Variants in HYAL3 observed in about 807,000 individuals in gnomAD.
HYAL3 encodes hyaluronidase-3.
A neutral mutation model predicts 29.6 loss-of-function variants in HYAL3; 25 were observed. The observed-to-expected ratio is 0.85, with a 90% CI of 0.62 to 1.18. The LOEUF is 1.18. Among genes scored for constraint, HYAL3 ranks in the 50% most tolerant of loss-of-function variants. HYAL3 has a pLI of 0.00. For missense variants in HYAL3, 442 were observed against 548.4 expected, an observed-to-expected ratio of 0.81 and a Z score of 1.94; for synonymous variants, 215 against 218.3, an observed-to-expected ratio of 0.99 and a Z score of 0.13.
At chr3:50,296,969 C>T in intron 1 of HYAL3, 1 of 1,592,708 alleles carries the variant, frequency 6.3e-7, no homozygotes. Context: ...AGCCCCGGGC[C>T]CGAGCAAAGA....
At chr3:50,295,787 C>A in intron 1 of HYAL3, 168 bp from the exon 2 acceptor site, 1 of 560,158 alleles carries the variant, frequency 1.8e-6, no homozygotes, top group East Asian at 2.8e-5. Flanking sequence ...GCAGCCACAC[C>A]GCAAGCTGGC....
chr3:50,297,689 T>C lies in HYAL3; in HGVS notation c.-18+1524A>G, dbSNP rs587696103. 10 of 1,372,476 alleles carry C rather than the reference T, an allele frequency of 7.3e-6. No individual in the cohort carries two copies. The East Asian group carries it at 2.5e-4, about 35-fold the overall frequency. 85.0% of individuals were successfully genotyped at this position (1,372,476 alleles called of 1,614,324 possible). A position where few individuals can be genotyped will look rare whatever the true frequency, so the allele number is the denominator to read the frequency against. On this transcript the variant is annotated intron_variant, in intron 1 of 3. Transcript: ENST00000336307. This position sits in a 1 kb window ranked among gnomAD's most constrained non-coding sequence, Gnocchi z 4.3. ...GCTCTCCTCCTGTAGATAACAGCCA[T>C]GCTGGGCTGTGCCAGGAGGGAGGGT...
rs1701907159 is a variant in HYAL3 at position 50,297,611 on chromosome 3, C to T, written c.-18+1602G>A. The T allele has an allele frequency of 6.8e-7, 1 of 1,481,082 alleles. No individual in the cohort carries two copies. The highest frequency in any genetic ancestry group is 1.4e-5 in the South Asian group (1 of 71,794). 91.7% of individuals were successfully genotyped at this position (1,481,082 alleles called of 1,614,324 possible). ...AGGTTGCAGGTGGCTCAGTGCCAGG[C>T]TGGAGGTTAAGACCCCAGTCTCCAG... On this transcript the variant is annotated intron_variant, in intron 1 of 3. Transcript: ENST00000336307. This position sits in a 1 kb window ranked among gnomAD's most constrained non-coding sequence, Gnocchi z 4.3.
At chr3:50,296,499 G>T in intron 1 of HYAL3, 1 of 1,342,906 alleles carries the variant, frequency 7.4e-7, no homozygotes, top group Non-Finnish European at 1.0e-6. Context: ...GGTTAAAGCT[G>T]CCCCCCAGGG....
In HYAL3 at chr3:50,295,570, C is replaced by T. The variant is rs1701813038; in HGVS notation, c.33G>A (p.Leu11=). Residue 11 remains leucine, a synonymous_variant, in exon 2 of 4, where the codon CTG becomes CTA. Coordinates refer to ENST00000336307, the MANE Select transcript of HYAL3 (RefSeq NM_003549.4). ...CACAACCCAGGCACAGGGCCACCCC[C>T]AGCACCAGGGCTGGGCCCAGTTGCG... The part of the protein sequence containing the change: MTTQLGPALV[L]GVALCLGCGQ... 4 of 1,568,584 alleles carry T rather than the reference C, an allele frequency of 2.6e-6. No homozygotes were observed. In the South Asian group the frequency reaches 3.6e-5, roughly 14 times the overall value.
chr3:50,298,956 G>A, intron 1 of HYAL3: 15 of 1,428,086 alleles, frequency 1.1e-5, no homozygotes, highest in Non-Finnish European at 1.4e-5. Context: ...ACTGTGGGCG[G>A]GGCTCCGGGG....
rs782367896 is a variant in HYAL3 at position 50,299,226 on chromosome 3, C to A, written c.-31G>T. 1 of 1,614,040 alleles carries A rather than the reference C, an allele frequency of 6.2e-7. No individual in the cohort carries two copies. Among genetic ancestry groups the A allele is most frequent in the Non-Finnish European group, 8.5e-7 (1 of 1,180,022 alleles). On this transcript the variant is annotated 5_prime_UTR_variant, in exon 1 of 4. Transcript: ENST00000336307. Reference sequence around the variant, plus strand: ...TGCGGTACTGACATGTTGATGCTGGCCTCTGGGATGTTCCGCGTCCTAGCT... The same window carrying A: ...TGCGGTACTGACATGTTGATGCTGGACTCTGGGATGTTCCGCGTCCTAGCT...
chr3:50,293,840 G>T, intron 2 of HYAL3, 119 bp from the exon 3 acceptor site: 1 of 914,812 alleles, frequency 1.1e-6, no homozygotes, highest in Non-Finnish European at 1.7e-6. Context: ...CTACAGTAGG[G>T]ACTCTCTAGT....
Position 50,297,918 on chromosome 3 carries a change from A to T in HYAL3, c.-18+1295T>A. Reference sequence around the variant, plus strand: ...CTGGGAGTGATGGATGAGCTGCTTAAGGCTGGGGCAGAACCTAGGAGTCCT... The same window carrying T: ...CTGGGAGTGATGGATGAGCTGCTTATGGCTGGGGCAGAACCTAGGAGTCCT... On this transcript the variant is annotated intron_variant, in intron 1 of 3. Coordinates refer to ENST00000336307, the MANE Select transcript of HYAL3 (RefSeq NM_003549.4). This position sits in a 1 kb window ranked among gnomAD's most constrained non-coding sequence, Gnocchi z 4.3. 6 of 994,970 alleles carry T rather than the reference A, an allele frequency of 6.0e-6. No homozygotes were observed. Among genetic ancestry groups the T allele is most frequent in the Non-Finnish European group, 7.2e-6 (6 of 836,824 alleles). 61.6% of individuals were successfully genotyped at this position (994,970 alleles called of 1,614,324 possible). A position where few individuals can be genotyped will look rare whatever the true frequency, so the allele number is the denominator to read the frequency against.
chr3:50,298,980 G>A, intron 1 of HYAL3: 1 of 1,454,196 alleles, frequency 6.9e-7, no homozygotes, highest in South Asian at 1.4e-5. Flanking sequence ...TCAGAGAGTG[G>A]CTTCTCCGTC....
intron 1 of HYAL3, chr3:50,298,083 A>G: frequency 1.0e-6 from 1 of 985,450 alleles, no homozygotes; most frequent in Non-Finnish European, 1.2e-6. Context: ...CTAGTCCACC[A>G]CTAGGGCATG....
chr3:50,296,712 A>G, intron 1 of HYAL3: 1 of 1,612,528 alleles, frequency 6.2e-7, no homozygotes, highest in Non-Finnish European at 8.5e-7. Flanking sequence ...TGAGATGGTC[A>G]GGCACTCAGG....
chr3:50,295,791 A>G, intron 1 of HYAL3, 172 bp from the exon 2 acceptor site: 2 of 378,948 alleles, frequency 5.3e-6, no homozygotes, highest in Non-Finnish European at 4.7e-6. Context: ...CCACACCGCA[A>G]GCTGGCTATG....
chr3:50,297,305 T>C lies in HYAL3; in HGVS notation c.-17-1686A>G. The C allele has an allele frequency of 6.2e-7, 1 of 1,604,722 alleles. No individual in the cohort carries two copies. Among genetic ancestry groups the C allele is most frequent in the African/African-American group, 1.3e-5 (1 of 74,858 alleles). ...GGGTCAACTCAGCCAGGCTAGGAGCTGGGGTCTCCTCTGGCTGGTGTTCAG... is the reference window on the plus strand; with the variant it reads ...GGGTCAACTCAGCCAGGCTAGGAGCCGGGGTCTCCTCTGGCTGGTGTTCAG... On this transcript the variant is annotated intron_variant, in intron 1 of 3. Transcript: ENST00000336307. The surrounding 1 kb of genome is among the most constrained non-coding windows in gnomAD (Gnocchi z 4.3).
In HYAL3 at chr3:50,297,340, T is replaced by C. The variant is rs1553711516; in HGVS notation, c.-17-1721A>G. 1 of 1,610,200 alleles carries C rather than the reference T, an allele frequency of 6.2e-7. No homozygotes were observed. The highest frequency in any genetic ancestry group is 1.3e-5 in the African/African-American group (1 of 74,860). ...TCTGGCTGGTGTTCAGGATCCAGGG[T>C]AAGCTCAGTTGGACCAGGATTGAAG... On this transcript the variant is annotated intron_variant, in intron 1 of 3. Transcript: ENST00000336307. The surrounding 1 kb of genome is among the most constrained non-coding windows in gnomAD (Gnocchi z 4.3).
In HYAL3 at chr3:50,293,451, G is replaced by T. The variant is rs1553710406; in HGVS notation, c.1049C>A (p.Thr350Asn). ...GTGACTGCAGGCCATCGCTGCCCTG[G>T]TCACATTGATCACATAGGGGCCCAA... ...DTLGPYVINV[T>N]RAAMACSHQR... is the part of the protein sequence containing the mutation. Residue 350 changes from threonine to asparagine, a missense_variant, in exon 4 of 4, where the codon ACC becomes AAC. Thr to Asn is a moderately conservative substitution (Grantham distance 65). Coordinates refer to ENST00000336307, the MANE Select transcript of HYAL3 (RefSeq NM_003549.4). The T allele has an allele frequency of 6.2e-7, 1 of 1,613,758 alleles. No individual in the cohort carries two copies. Among genetic ancestry groups the T allele is most frequent in the South Asian group, 1.1e-5 (1 of 91,076 alleles).
chr3:50,293,727 G>A lies in HYAL3; in HGVS notation c.895-6C>T. ...ATGGACTGCACAAGGTCATCCTGGAGGCAGAGAGCTGCTAAGCCAGTGCTG... is the reference window on the plus strand; with the variant it reads ...ATGGACTGCACAAGGTCATCCTGGAAGCAGAGAGCTGCTAAGCCAGTGCTG... On this transcript the variant is annotated splice_region_variant and splice_polypyrimidine_tract_variant and intron_variant, in intron 2 of 3. Transcript: ENST00000336307. The A allele has an allele frequency of 1.2e-6, 2 of 1,613,398 alleles. No individual in the cohort carries two copies. Among genetic ancestry groups the A allele is most frequent in the Non-Finnish European group, 1.7e-6 (2 of 1,179,848 alleles).
rs1702021635 is a variant in HYAL3 at position 50,299,358 on chromosome 3, A to C, written c.-163T>G. 2 of 1,548,782 alleles carry C rather than the reference A, an allele frequency of 1.3e-6. No individual in the cohort carries two copies. Among genetic ancestry groups the C allele is most frequent in the Non-Finnish European group, 1.7e-6 (2 of 1,148,730 alleles). ...TTCTGCAGCCGTCGCGTCCTGCGGC[A>C]CGCCACGGCGTTCTAAGGCCTCCCA... On this transcript the variant is annotated 5_prime_UTR_variant, in exon 1 of 4. Transcript: ENST00000336307.
At chr3:50,298,482 C>G (rs1701956906) in intron 1 of HYAL3, among the ~76,000 whole-genome samples, 3 of 151,668 alleles carry the variant, frequency 2.0e-5, no homozygotes, top group African/African-American at 7.3e-5. Flanking sequence ...TGGTTCCCCA[C>G]TGGCTTGAGT....
Sources: allele counts gnomAD v4.1 joint callset (sites outside exome capture counted in the v4.1 genomes callset), GRCh38; gene constraint gnomAD v4.1.1; non-coding constraint Gnocchi (gnomAD v3.1); transcripts MANE v1.5; gene names NCBI Gene and HGNC (gene_info 2026-07-23, HGNC 2026-07-21).